CFAP206: variants seen among roughly 807,000 people sequenced by gnomAD.
CFAP206 encodes the protein cilia- and flagella-associated protein 206.
A neutral mutation model predicts 65.4 loss-of-function variants in CFAP206; 53 were observed. The ratio of observed to expected loss-of-function variants is 0.81; its 90% confidence interval spans 0.65 to 1.02. The LOEUF (loss-of-function observed/expected upper bound fraction) is 1.02, where lower values mean the gene tolerates loss of function less well. Among genes scored for constraint, CFAP206 ranks in the 50% least tolerant of loss-of-function variants. The pLI is 0.00. For synonymous variants in CFAP206, 250 were observed against 254.4 expected (o/e 0.98, Z 0.17); for missense variants, 663 against 753.2 (o/e 0.88, Z 1.40).
chr6:87,427,394 C>T lies in CFAP206; in HGVS notation c.960+749C>T, dbSNP rs1768061995. Among the ~76,000 whole-genome samples, 5 of 152,176 alleles carry T rather than the reference C, an allele frequency of 3.3e-5. No homozygotes were observed. The South Asian group carries it at 1.0e-3, about 31-fold the overall frequency. The stretch of plus-strand genomic sequence containing the variant: ...GACCTCGTGATCTGCCCGCCTCGGC[C>T]TCCCAAAGTTCTGGGATTACAGGCA... On this transcript the variant is annotated intron_variant, in intron 8 of 12. Transcript: ENST00000369562.
intron 7 of CFAP206, among the ~76,000 whole-genome samples, chr6:87,421,128 A>T (rs1048425052): frequency 1.3e-5 from 2 of 152,240 alleles, no homozygotes; most frequent in African/African-American, 4.8e-5. Flanking sequence ...TAAAAATTTT[A>T]AAGTAGCAAT....
intron 11 of CFAP206, among the ~76,000 whole-genome samples, chr6:87,440,288 A>G (rs1260971784): frequency 1.3e-5 from 2 of 152,176 alleles, no homozygotes; most frequent in East Asian, 3.9e-4. Context: ...AATGCAGTTT[A>G]ATTTCTGCAT....
chr6:87,463,615 G>A (rs2127958588), intron 12 of CFAP206, among the ~76,000 whole-genome samples: 1 of 152,184 alleles, frequency 6.6e-6, no homozygotes, highest in South Asian at 2.1e-4. Context: ...AAAATCTAGG[G>A]TGAAGTCCAT....
chr6:87,449,213 G>A (rs933022620), intron 11 of CFAP206, among the ~76,000 whole-genome samples: 4 of 152,188 alleles, frequency 2.6e-5, no homozygotes, highest in Admixed American at 6.5e-5. Context: ...GAGGTGGGCA[G>A]ATTATGAGGT....
In CFAP206 at chr6:87,461,166, G is replaced by T; in HGVS notation, c.1638+1G>T. On this transcript the variant is annotated splice_donor_variant, in intron 12 of 12. Transcript: ENST00000369562. LOFTEE classifies it high-confidence loss of function. ...ATTAAGAAGAAAAGCTATAAAATTG[G>T]TTTGTAACAATACTTTCTAGAATTA... 6.5e-7 allele frequency: 1 copy of T among 1,544,618 alleles called. No homozygotes were observed.
rs775386191 is a variant in CFAP206, at chr6:87,418,329, A to G, written c.753A>G (p.Pro251=). The G allele has an allele frequency of 5.0e-6, 8 of 1,613,854 alleles. No individual in the cohort carries two copies. Among genetic ancestry groups the G allele is most frequent in the Non-Finnish European group, 5.9e-6 (7 of 1,180,002 alleles). ...TCCTTGAGAAGGCAGCCAACGACCC[A>G]CTCATGAGGGCTGAACTTCAGCCAT... is the stretch of plus-strand genomic sequence containing the variant. ...TAILEKAAND[P]LMRAELQPYM... is the part of the protein sequence containing the mutation. The change falls in exon 7 of 13, where the codon CCA becomes CCG. Residue 251 remains proline, a synonymous_variant. Transcript: ENST00000369562.
At chr6:87,410,699 T>G in intron 3 of CFAP206, 31 bp downstream of exon 3, 1 of 1,502,936 alleles carries the variant, frequency 6.7e-7, no homozygotes, top group Non-Finnish European at 9.3e-7. Context: ...AAATTTGCAA[T>G]TACTTATTCT....
In CFAP206 at chr6:87,426,791, C is replaced by T. The variant is rs887499756; in HGVS notation, c.960+146C>T. On this transcript the variant is annotated intron_variant, in intron 8 of 12. Coordinates refer to ENST00000369562, the MANE Select transcript of CFAP206 (RefSeq NM_001031743.3). Reference sequence around the variant, plus strand: ...ATCCTGTTCTTTATGGTTACTTTGCCGTAATAGTGTGCTATAAGTTGGATG... The same window carrying T: ...ATCCTGTTCTTTATGGTTACTTTGCTGTAATAGTGTGCTATAAGTTGGATG... 21 of 662,036 alleles carry T rather than the reference C, an allele frequency of 3.2e-5. No homozygotes were observed. The South Asian group carries it at 3.3e-4, about 10-fold the overall frequency. The allele number at this position is 662,036 out of a possible 1,614,324, so 41.0% of individuals were successfully genotyped here.
At position 87,416,796 on chromosome 6, in the gene CFAP206, CTG is replaced by C. The variant is rs758352934; in HGVS notation, c.603_604del (p.Cys201TrpfsTer8). 1.9e-5 allele frequency: 31 copies of C among 1,613,504 alleles called. No individual in the cohort carries two copies. Among genetic ancestry groups the C allele is most frequent in the African/African-American group, 2.7e-5 (2 of 74,868 alleles). ...CTGGAATTCGTTTATTTAACAGAGACTGTGGAAAAGGAGGAGAAGGCATTGAT... is the reference window on the plus strand; with the variant it reads ...CTGGAATTCGTTTATTTAACAGAGACTGGAAAAGGAGGAGAAGGCATTGAT... ...VTGIRLFNRD[C>X]GKGGEGIDDL... On this transcript the variant is annotated frameshift_variant, in exon 6 of 13. Coordinates refer to ENST00000369562, the MANE Select transcript of CFAP206 (RefSeq NM_001031743.3). LOFTEE classifies it high-confidence loss of function.
rs757647018 is a variant in CFAP206, at chr6:87,435,012, G to T, written c.1453G>T (p.Glu485Ter). 3.8e-5 allele frequency: 61 copies of T among 1,607,440 alleles called. No individual in the cohort carries two copies. In the Admixed American group the frequency reaches 5.2e-4, roughly 14 times the overall value. ...AAATACAGAGTTAATTCAACTATTG[G>T]AACTTCATCAACAGTTTGAAACATT... ...KKNTELIQLL[E>*]LHQQFETFIP... is the part of the protein sequence containing the mutation. The change falls in exon 11 of 13, where the codon GAA (glutamate) becomes TAA (stop). Residue 485 changes from glutamate (E) to a stop codon, truncating the protein, a stop_gained. Transcript: ENST00000369562. LOFTEE classifies it high-confidence loss of function.
Position 87,413,827 on chromosome 6 carries a change from A to G in CFAP206, c.210A>G (p.Leu70=), listed in dbSNP as rs1302899231. The G allele has an allele frequency of 6.4e-7, 1 of 1,568,046 alleles. No homozygotes were observed. The stretch of plus-strand genomic sequence containing the variant: ...TTTTCTAGCTTTGTATGACTCGGCT[A>G]TTGGATACTAAAAATCCATCCCTGG... The part of the protein sequence containing the change: ...QNLVKLCMTR[L]LDTKNPSLDT... Residue 70 remains leucine, a synonymous_variant, in exon 4 of 13, where the codon CTA becomes CTG. Coordinates refer to ENST00000369562, the MANE Select transcript of CFAP206 (RefSeq NM_001031743.3).
In CFAP206 at chr6:87,408,129, G is replaced by A. The variant is rs932430620; in HGVS notation, c.-6+40G>A. On this transcript the variant is annotated intron_variant, in intron 1 of 12. Coordinates refer to ENST00000369562, the MANE Select transcript of CFAP206 (RefSeq NM_001031743.3). The stretch of plus-strand genomic sequence containing the variant: ...GGCTCCGCGCCCTTGACCCGGAGGC[G>A]TACCCCGCCAGGCGGCGAGCTTGGG... The A allele has an allele frequency of 1.5e-5, 14 of 959,686 alleles. No individual in the cohort carries two copies. In the African/African-American group the frequency reaches 2.3e-4, roughly 16 times the overall value. The allele number at this position is 959,686 out of a possible 1,614,324, so 59.4% of individuals were successfully genotyped here.
Position 87,464,385 on chromosome 6 carries a change from C to T in CFAP206, c.*135C>T. 1.9e-6 allele frequency: 1 copy of T among 518,852 alleles called. No individual in the cohort carries two copies. Among genetic ancestry groups the T allele is most frequent in the Non-Finnish European group, 3.2e-6 (1 of 315,998 alleles). The allele number at this position is 518,852 out of a possible 1,614,324, so 32.1% of individuals were successfully genotyped here. On this transcript the variant is annotated 3_prime_UTR_variant, in exon 13 of 13. Transcript: ENST00000369562. ...GGTTGTGTGACTGTTTATTGGGTTC[C>T]CATATTTTATCAAACTGTTTTCTGT...
chr6:87,452,476 C>G (rs1236410200), intron 11 of CFAP206, among the ~76,000 whole-genome samples: 1 of 152,124 alleles, frequency 6.6e-6, no homozygotes, highest in Non-Finnish European at 1.5e-5. Flanking sequence ...CCTCACCAAA[C>G]AAACTAAATA....
chr6:87,440,513 G>A (rs1318410799), intron 11 of CFAP206, among the ~76,000 whole-genome samples: 1 of 151,928 alleles, frequency 6.6e-6, no homozygotes, highest in African/African-American at 2.4e-5. Flanking sequence ...GGGGAGCGAG[G>A]GCATCATGGT....
At chr6:87,435,940 A>T (rs1299607932) in intron 11 of CFAP206, 2 of 152,176 alleles carry the variant, frequency 1.3e-5, no homozygotes, top group Non-Finnish European at 2.9e-5. Flanking sequence ...TGTTGGGATT[A>T]TAGGCACGAG....
At chr6:87,408,140 G>T in intron 1 of CFAP206, 51 bp downstream of exon 1, 2 of 940,472 alleles carry the variant, frequency 2.1e-6, no homozygotes, top group Non-Finnish European at 2.5e-6. Context: ...TACCCCGCCA[G>T]GCGGCGAGCT....
chr6:87,439,519 T>G (rs1273214056), intron 11 of CFAP206, among the ~76,000 whole-genome samples: 1 of 152,124 alleles, frequency 6.6e-6, no homozygotes, highest in African/African-American at 2.4e-5. Flanking sequence ...TAGCTTATGT[T>G]TTCATTCTTT....
intron 11 of CFAP206, among the ~76,000 whole-genome samples, chr6:87,443,563 T>C (rs1456005553): frequency 1.3e-5 from 2 of 151,656 alleles, no homozygotes; most frequent in Non-Finnish European, 1.5e-5. Flanking sequence ...TTTAACTTAA[T>C]GCAATAAATT....
Sources: gnomAD v4.1 joint callset for allele counts (sites outside exome capture counted in the v4.1 genomes callset) on GRCh38, gnomAD v4.1.1 for gene constraint, MANE v1.5 for transcripts, NCBI Gene and HGNC (gene_info 2026-07-23, HGNC 2026-07-21) for gene names.